PCDHGA1: variants seen among roughly 807,000 people sequenced by gnomAD.
PCDHGA1 encodes the protein protocadherin gamma subfamily A, 1, also known as protocadherin gamma-A1.
PCDHGA1 carries 32 observed loss-of-function variants against 58.0 expected under a neutral mutation model. The observed-to-expected ratio is 0.55, with a 90% confidence interval of 0.42 to 0.74. The LOEUF (loss-of-function observed/expected upper bound fraction) is 0.74, where lower values mean the gene tolerates loss of function less well. PCDHGA1 is among the 30% of genes least tolerant of loss of function. The pLI, the probability that PCDHGA1 is intolerant of heterozygous loss-of-function variation, is 0.00. For missense variants in PCDHGA1, 1,205 were observed against 1,182.3 expected (o/e 1.02, Z -0.28); for synonymous variants, 498 against 501.1 (o/e 0.99, Z 0.08).
At position 141,489,244 on chromosome 5, in the gene PCDHGA1, G is replaced by A. The variant is rs145484133; in HGVS notation, c.2422-5563G>A. ...TCCACAAAGGGACTTCTGGGTCATG[G>A]GGCCCAAGACACTCCCACAGCTCGC... On this transcript the variant is annotated intron_variant, in intron 1 of 3. Coordinates refer to ENST00000517417, the MANE Select transcript of PCDHGA1 (RefSeq NM_018912.3). This position sits in a 1 kb window ranked among gnomAD's most constrained non-coding sequence, Gnocchi z 4.5. 5 of 1,534,936 alleles carry A rather than the reference G, an allele frequency of 3.3e-6. No individual in the cohort carries two copies. In the African/African-American group the frequency reaches 5.5e-5, roughly 17 times the overall value.
intron 1 of PCDHGA1, chr5:141,361,788 A>G (rs1860254): frequency 1.2e-4 from 192 of 1,612,992 alleles, no homozygotes; most frequent in African/African-American, 7.1e-4. Context: ...TGCGCGTGTT[A>G]GTGGGCGACC....
chr5:141,372,161 C>T lies in PCDHGA1; in HGVS notation c.2421+39056C>T, dbSNP rs777425940. 5.6e-6 allele frequency: 9 copies of T among 1,613,776 alleles called. No individual in the cohort carries two copies. The Middle Eastern group carries it at 5.0e-4, about 89-fold the overall frequency. On this transcript the variant is annotated intron_variant, in intron 1 of 3. Transcript: ENST00000517417. Reference sequence around the variant, plus strand: ...CTGCAGAGCCTGGCTACCTGGTGACCAAGGTGGTGGCGGTGGACGCAGACT... The same window carrying T: ...CTGCAGAGCCTGGCTACCTGGTGACTAAGGTGGTGGCGGTGGACGCAGACT...
At chr5:141,410,191 C>G in intron 1 of PCDHGA1, 2 of 1,613,994 alleles carry the variant, frequency 1.2e-6, no homozygotes, top group Non-Finnish European at 1.7e-6. Context: ...TTCATCTGGT[C>G]TTCGCAGACA....
chr5:141,450,479 G>GTTTT (rs1165567597), intron 1 of PCDHGA1, among the ~76,000 whole-genome samples: 124 of 152,020 alleles, frequency 8.2e-4, no homozygotes, highest in African/African-American at 2.9e-3. Flanking sequence ...GAGTTTGTTT[G>GTTTT]TTTGTTTGTC....
intron 1 of PCDHGA1, chr5:141,426,860 A>T (rs771106873): frequency 2.6e-5 from 12 of 456,702 alleles, no homozygotes; most frequent in Admixed American, 2.3e-4. Flanking sequence ...CTCCAGAATT[A>T]GTGCTGGAGA....
chr5:141,371,774 T>A, intron 1 of PCDHGA1: 1 of 1,614,000 alleles, frequency 6.2e-7, no homozygotes, highest in Non-Finnish European at 8.5e-7. Flanking sequence ...ACACCGTGCA[T>A]GTAGCTGAGA....
At chr5:141,468,487 G>A (rs945439990) in intron 1 of PCDHGA1, 6 of 152,110 alleles carry the variant, frequency 3.9e-5, no homozygotes, top group African/African-American at 1.4e-4. Context: ...TAGGTCTCAT[G>A]GAAGATTTTC....
At chr5:141,426,850 C>T in intron 1 of PCDHGA1, 1 of 456,734 alleles carries the variant, frequency 2.2e-6, no homozygotes. Context: ...GGCAAGAACG[C>T]TCCAGAATTA....
At chr5:141,415,182 C>A (rs2095840318) in intron 1 of PCDHGA1, 1 of 1,613,842 alleles carries the variant, frequency 6.2e-7, no homozygotes, top group Admixed American at 1.7e-5. Flanking sequence ...TGGCCGTGGC[C>A]GACAGCATCC....
chr5:141,446,528 G>A (rs2098505974), intron 1 of PCDHGA1, among the ~76,000 whole-genome samples: 1 of 151,952 alleles, frequency 6.6e-6, no homozygotes, highest in South Asian at 2.1e-4. Flanking sequence ...CCAGGCTGGA[G>A]TGCAGTGGCC....
chr5:141,421,359 C>A (rs2096566292), intron 1 of PCDHGA1: 6 of 1,614,012 alleles, frequency 3.7e-6, no homozygotes, highest in Non-Finnish European at 5.1e-6. Context: ...AAAAGGGCTC[C>A]TTCGTGGGCA....
chr5:141,457,635 T>G (rs1242403589), intron 1 of PCDHGA1, among the ~76,000 whole-genome samples: 2 of 152,270 alleles, frequency 1.3e-5, no homozygotes, highest in African/African-American at 4.8e-5. Flanking sequence ...ATACTTGGCC[T>G]GATTATTTGC....
In PCDHGA1 at chr5:141,485,115, G is replaced by T. The variant is rs1043877839; in HGVS notation, c.2422-9692G>T. On this transcript the variant is annotated intron_variant, in intron 1 of 3. Transcript: ENST00000517417. This position sits in a 1 kb window ranked among gnomAD's most constrained non-coding sequence, Gnocchi z 5.7. ...GTGTCTCCAGCTGCTGTGGCTGTTT[G>T]GGGCGGGTCGGCTTCATCCGCGTCT... The T allele has an allele frequency of 3.8e-6, 5 of 1,300,464 alleles. No homozygotes were observed. The African/African-American group carries it at 5.8e-5, about 15-fold the overall frequency. The allele number at this position is 1,300,464 out of a possible 1,614,324, so 80.6% of individuals were successfully genotyped here.
rs773174763 is a variant in PCDHGA1 at position 141,477,409 on chromosome 5, C to T, written c.2422-17398C>T. The T allele has an allele frequency of 1.4e-5, 22 of 1,614,058 alleles. No homozygotes were observed. The highest frequency in any genetic ancestry group is 1.7e-5 in the Admixed American group (1 of 60,006). On this transcript the variant is annotated intron_variant, in intron 1 of 3. Transcript: ENST00000517417. This position sits in a 1 kb window ranked among gnomAD's most constrained non-coding sequence, Gnocchi z 4.9. ...ACAACCTCAGCATCACCGCCCGAGA[C>T]GCCGGAACCCCTTCCCTCTCAGCCC...
At chr5:141,430,786 C>G (rs992448490) in intron 1 of PCDHGA1, 1 of 1,513,352 alleles carries the variant, frequency 6.6e-7, no homozygotes, top group Non-Finnish European at 8.8e-7. Context: ...TGCACCGGGA[C>G]TACAAAGGGC....
At chr5:141,390,529 T>C in intron 1 of PCDHGA1, 1 of 537,128 alleles carries the variant, frequency 1.9e-6, no homozygotes, top group Non-Finnish European at 3.3e-6. Context: ...GAGGGTGTGG[T>C]TTTAACCACA....
intron 1 of PCDHGA1, among the ~76,000 whole-genome samples, chr5:141,480,976 T>G (rs1485868136): frequency 6.6e-6 from 1 of 152,108 alleles, no homozygotes; most frequent in Non-Finnish European, 1.5e-5. Context: ...GGAGAATCAG[T>G]GAACCCAGGA....
At chr5:141,419,124 T>A in intron 1 of PCDHGA1, 1 of 1,613,798 alleles carries the variant, frequency 6.2e-7, no homozygotes, top group Non-Finnish European at 8.5e-7. Context: ...AACGTCACCA[T>A]CGCAGCCACA....
intron 2 of PCDHGA1, among the ~76,000 whole-genome samples, chr5:141,497,212 G>A (rs968445663): frequency 6.6e-6 from 1 of 150,900 alleles, no homozygotes; most frequent in Non-Finnish European, 1.5e-5. Flanking sequence ...AGTGTAATGG[G>A]GGGGGGAAGA....
Sources: allele counts gnomAD v4.1 joint callset (sites outside exome capture counted in the v4.1 genomes callset), GRCh38; gene constraint gnomAD v4.1.1; non-coding constraint Gnocchi (gnomAD v3.1); transcripts MANE v1.5; gene names NCBI Gene and HGNC (gene_info 2026-07-23, HGNC 2026-07-21).